CAMTA1: variants seen among roughly 807,000 people sequenced by gnomAD.
The protein encoded by CAMTA1 is calmodulin-binding transcription activator 1.
CAMTA1 carries 27 observed loss-of-function variants against 170.9 expected under a neutral mutation model. That is an observed-to-expected ratio of 0.16 (90% CI 0.12 to 0.22). The LOEUF (loss-of-function observed/expected upper bound fraction) is 0.22, where lower values mean the gene tolerates loss of function less well. CAMTA1 is among the 10% of genes least tolerant of loss of function. The pLI, the probability that CAMTA1 is intolerant of heterozygous loss-of-function variation, is 1.00. For synonymous variants in CAMTA1, 833 were observed against 891.5 expected (o/e 0.93, Z 1.17); for missense variants, 1,619 against 2,217.2 (o/e 0.73, Z 5.42).
intron 6 of CAMTA1, among the ~76,000 whole-genome samples, chr1:7,497,798 A>T (rs145497980): frequency 5.3e-4 from 80 of 152,328 alleles, no homozygotes; most frequent in African/African-American, 1.6e-3. Flanking sequence ...TAAGGGGGGC[A>T]GCGCTAGACA....
At chr1:6,912,563 A>G (rs1557814093) in intron 3 of CAMTA1, among the ~76,000 whole-genome samples, 1 of 152,256 alleles carries the variant, frequency 6.6e-6, no homozygotes, top group Admixed American at 6.5e-5. Flanking sequence ...ATGCCATAGT[A>G]AAGAAGTTCA....
intron 6 of CAMTA1, among the ~76,000 whole-genome samples, chr1:7,602,813 A>C (rs1188996909): frequency 6.6e-6 from 1 of 152,188 alleles, no homozygotes; most frequent in African/African-American, 2.4e-5. Context: ...ATTTCCCTCT[A>C]CACACTGCTT....
chr1:7,402,764 C>A (rs2089999783), intron 5 of CAMTA1, among the ~76,000 whole-genome samples: 1 of 152,144 alleles, frequency 6.6e-6, no homozygotes, highest in African/African-American at 2.4e-5. Context: ...GGGGGCTGCA[C>A]AGGACCTAAC....
At chr1:7,730,834 G>C (rs868022998) in intron 11 of CAMTA1, among the ~76,000 whole-genome samples, 1 of 152,016 alleles carries the variant, frequency 6.6e-6, no homozygotes, top group African/African-American at 2.4e-5. Context: ...AGGAGGCGGA[G>C]GTTGCAGTGA....
intron 3 of CAMTA1, among the ~76,000 whole-genome samples, chr1:6,831,749 A>T (rs1436517558): frequency 1.3e-5 from 2 of 152,182 alleles, no homozygotes; most frequent in African/African-American, 4.8e-5. Flanking sequence ...GTTTGTACTG[A>T]TCCTTAAAGA....
chr1:6,885,544 G>A lies in CAMTA1; in HGVS notation c.234+60334G>A, dbSNP rs539200817. ...GCATAGCCAGCGTAGCCTTAACCAG[G>A]GCAGGTATTTGGTCTGCAGTAGGCA... On this transcript the variant is annotated intron_variant, in intron 3 of 22. Coordinates refer to ENST00000303635, the MANE Select transcript of CAMTA1 (RefSeq NM_015215.4). Among the ~76,000 whole-genome samples the A allele has an allele frequency of 7.9e-5, 12 of 152,252 alleles. No homozygotes were observed. In the South Asian group the frequency reaches 8.3e-4, roughly 11 times the overall value.
Position 7,767,738 on chromosome 1 carries a change from T to C in CAMTA1, c.*1247T>C, listed in dbSNP as rs1156715032. 6 of 152,376 alleles carry C rather than the reference T, an allele frequency of 3.9e-5. No individual in the cohort carries two copies. Among genetic ancestry groups the C allele is most frequent in the African/African-American group, 1.5e-4 (6 of 41,334 alleles). The allele number at this position is 152,376 out of a possible 1,614,324, so 9.4% of individuals were successfully genotyped here. ...GAAATGAACAAAAGCAAAGCATTAG[T>C]GGCTATGGTCTGTAAAATGAAACAA... is the stretch of plus-strand genomic sequence containing the variant. On this transcript the variant is annotated 3_prime_UTR_variant, in exon 23 of 23. Coordinates refer to ENST00000303635, the MANE Select transcript of CAMTA1 (RefSeq NM_015215.4).
At chr1:7,103,907 C>T (rs1024247854) in intron 4 of CAMTA1, among the ~76,000 whole-genome samples, 12 of 146,800 alleles carry the variant, frequency 8.2e-5, no homozygotes, top group Non-Finnish European at 1.5e-4. Flanking sequence ...CACAACTACA[C>T]GCGCACTCAC....
chr1:7,291,012 T>C (rs1011403184), intron 5 of CAMTA1, among the ~76,000 whole-genome samples: 6 of 152,120 alleles, frequency 3.9e-5, no homozygotes, highest in African/African-American at 1.4e-4. Flanking sequence ...GTGCAGTGTC[T>C]TTTGTGTGGG....
intron 5 of CAMTA1, among the ~76,000 whole-genome samples, chr1:7,328,963 G>C (rs915920617): frequency 1.3e-5 from 2 of 151,904 alleles, no homozygotes; most frequent in Non-Finnish European, 2.9e-5. Flanking sequence ...TCTTTGTGCT[G>C]GTTCTCACAT....
At chr1:7,355,411 A>C (rs2085031928) in intron 5 of CAMTA1, among the ~76,000 whole-genome samples, 2 of 152,138 alleles carry the variant, frequency 1.3e-5, no homozygotes, top group African/African-American at 4.8e-5. Flanking sequence ...AAACAAACAG[A>C]AAAACTCAAA....
chr1:7,206,001 C>A (rs948875511), intron 4 of CAMTA1, among the ~76,000 whole-genome samples: 1 of 152,190 alleles, frequency 6.6e-6, no homozygotes, highest in African/African-American at 2.4e-5. Context: ...CCACCTTTAT[C>A]GTATACTGAG....
At chr1:7,328,647 C>G (rs1282334744) in intron 5 of CAMTA1, among the ~76,000 whole-genome samples, 2 of 152,020 alleles carry the variant, frequency 1.3e-5, no homozygotes, top group Non-Finnish European at 2.9e-5. Context: ...AACATTTTCT[C>G]TCTGTATTGG....
chr1:7,640,969 A>C (rs1278186343), intron 7 of CAMTA1, among the ~76,000 whole-genome samples: 2 of 152,322 alleles, frequency 1.3e-5, no homozygotes, highest in East Asian at 3.9e-4. Flanking sequence ...ATCTGGGCTT[A>C]GCCACCACCT....
At chr1:7,215,585 G>C (rs1042249631) in intron 4 of CAMTA1, among the ~76,000 whole-genome samples, 4 of 152,110 alleles carry the variant, frequency 2.6e-5, no homozygotes, top group Non-Finnish European at 5.9e-5. Flanking sequence ...GTAGAGACGG[G>C]GTTTCACCAT....
intron 3 of CAMTA1, among the ~76,000 whole-genome samples, chr1:6,973,940 T>C (rs966420924): frequency 1.3e-5 from 2 of 152,246 alleles, no homozygotes; most frequent in Non-Finnish European, 2.9e-5. Flanking sequence ...CAAAAGGAAC[T>C]TCCTCTGTCA....
At chr1:7,179,946 T>C (rs908389525) in intron 4 of CAMTA1, among the ~76,000 whole-genome samples, 3 of 152,188 alleles carry the variant, frequency 2.0e-5, no homozygotes, top group African/African-American at 7.2e-5. Context: ...AATCCCTAAA[T>C]ATGGGTTTTT....
At chr1:7,309,345 G>C (rs981393043) in intron 5 of CAMTA1, among the ~76,000 whole-genome samples, 18 of 127,712 alleles carry the variant, frequency 1.4e-4, no homozygotes, top group African/African-American at 4.1e-4. Flanking sequence ...TGTCGCCCAG[G>C]CTGGAGTGCA....
chr1:7,044,874 C>A lies in CAMTA1; in HGVS notation c.235-46430C>A, dbSNP rs1347820047. Among the ~76,000 whole-genome samples, 1 of 136,756 alleles carries A rather than the reference C, an allele frequency of 7.3e-6. No homozygotes were observed. Among genetic ancestry groups the A allele is most frequent in the Non-Finnish European group, 1.6e-5 (1 of 63,818 alleles). 89.7% of individuals were successfully genotyped at this position (136,756 alleles called of 152,430 possible). A position where few individuals can be genotyped will look rare whatever the true frequency, so the allele number is the denominator to read the frequency against. The stretch of plus-strand genomic sequence containing the variant: ...GTCTGCCAGCAGTGCCTCCTCTCCC[C>A]ATTAACATCCCGCCATTTTGATTAA... On this transcript the variant is annotated intron_variant, in intron 3 of 22. Coordinates refer to ENST00000303635, the MANE Select transcript of CAMTA1 (RefSeq NM_015215.4). The surrounding 1 kb of genome is among the most constrained non-coding windows in gnomAD (Gnocchi z 5.0).
Sources: gnomAD v4.1 joint callset for allele counts (sites outside exome capture counted in the v4.1 genomes callset) on GRCh38, gnomAD v4.1.1 for gene constraint, Gnocchi (gnomAD v3.1) non-coding constraint, MANE v1.5 for transcripts, NCBI Gene and HGNC (gene_info 2026-07-23, HGNC 2026-07-21) for gene names.